Variants in KMT2C observed in about 807,000 individuals in gnomAD.
KMT2C encodes histone-lysine N-methyltransferase 2C.
In KMT2C, 88 loss-of-function variants were observed where a neutral mutation model predicts 507.9. The observed-to-expected ratio is 0.17, with a 90% CI of 0.15 to 0.21. The LOEUF is 0.21. KMT2C is among the 10% of genes least tolerant of loss of function. KMT2C has a pLI of 1.00. For missense variants in KMT2C, 4,954 were observed against 5,957.8 expected (o/e 0.83, Z 5.55); for synonymous variants, 2,049 against 2,080.8 (o/e 0.98, Z 0.42).
At chr7:152,172,035 C>T (rs541802418) in intron 39 of KMT2C, among the ~76,000 whole-genome samples, 49 of 152,282 alleles carry the variant, frequency 3.2e-4, no homozygotes, top group African/African-American at 1.0e-3. Flanking sequence ...AATGCTTTAA[C>T]GTATCAAGAT....
intron 6 of KMT2C, among the ~76,000 whole-genome samples, chr7:152,299,600 G>T (rs1489988908): frequency 1.3e-5 from 2 of 151,936 alleles, no homozygotes; most frequent in Non-Finnish European, 2.9e-5. Context: ...AGTAAGGTAT[G>T]ATCACACCAC....
rs1185513273 is a variant in KMT2C at position 152,135,084 on chromosome 7, A to T, written c.*1748T>A. The T allele has an allele frequency of 4.4e-6, 1 of 228,734 alleles. No homozygotes were observed. The allele number at this position is 228,734 out of a possible 1,614,324, so 14.2% of individuals were successfully genotyped here. A position where few individuals can be genotyped will look rare whatever the true frequency, so the allele number is the denominator to read the frequency against. On this transcript the variant is annotated 3_prime_UTR_variant, in exon 59 of 59. Coordinates refer to ENST00000262189, the MANE Select transcript of KMT2C (RefSeq NM_170606.3). ...AAAACAACAAAAACCCGGTAGGACA[A>T]ATACTGGTAGGATGTCAGGATATTG...
rs548963814 is a variant in KMT2C, at chr7:152,409,365, A to T, written c.161+26261T>A. Among the ~76,000 whole-genome samples, 25 of 152,160 alleles carry T rather than the reference A, an allele frequency of 1.6e-4. No individual in the cohort carries two copies. In the East Asian group the frequency reaches 4.4e-3, roughly 27 times the overall value. On this transcript the variant is annotated intron_variant, in intron 1 of 58. Coordinates refer to ENST00000262189, the MANE Select transcript of KMT2C (RefSeq NM_170606.3). ...GTAATAGTTATGAGCTTTTTAAAAAATTTCTTCTAATGTAATTAAATTCTG... is the reference window on the plus strand; with the variant it reads ...GTAATAGTTATGAGCTTTTTAAAAATTTTCTTCTAATGTAATTAAATTCTG...
Position 152,345,905 on chromosome 7 carries a change from G to A in KMT2C, c.250+12682C>T, listed in dbSNP as rs562217610. On this transcript the variant is annotated intron_variant, in intron 2 of 58. Transcript: ENST00000262189. ...TTAACTATAATATAAAGATACATAC[G>A]GATAAGAAATAAATGGATGGAGAAA... is the stretch of plus-strand genomic sequence containing the variant. Among the ~76,000 whole-genome samples, 111 of 152,084 alleles carry A rather than the reference G, an allele frequency of 7.3e-4. 1 individual carries two copies. In the South Asian group the frequency reaches 0.015, roughly 21 times the overall value.
chr7:152,257,490 A>C (rs2095679654), intron 9 of KMT2C, among the ~76,000 whole-genome samples: 1 of 152,194 alleles, frequency 6.6e-6, no homozygotes, highest in African/African-American at 2.4e-5. Context: ...TATTTAAAAA[A>C]TTAAATCACT....
intron 1 of KMT2C, among the ~76,000 whole-genome samples, chr7:152,418,350 A>G (rs2097758330): frequency 6.6e-6 from 1 of 152,244 alleles, no homozygotes; most frequent in African/African-American, 2.4e-5. Flanking sequence ...AGCATTACAC[A>G]TAGTAACAAA....
intron 6 of KMT2C, among the ~76,000 whole-genome samples, chr7:152,287,521 T>TA (rs897949931): frequency 2.6e-5 from 4 of 152,038 alleles, no homozygotes; most frequent in Non-Finnish European, 5.9e-5. Context: ...TAAATCCTAC[T>TA]AAAAGGGGGT....
intron 31 of KMT2C, among the ~76,000 whole-genome samples, chr7:152,189,786 C>G (rs181995736): frequency 2.0e-5 from 3 of 152,198 alleles, no homozygotes; most frequent in Non-Finnish European, 4.4e-5. Context: ...CTTACATTTA[C>G]TCCAAGGATT....
At position 152,177,726 on chromosome 7, in the gene KMT2C, G is replaced by A. The variant is rs2129115300; in HGVS notation, c.7727C>T (p.Ala2576Val). ...TGCCTCTACAACGCTGCCAGGTGGA[G>A]CACTGAAAGGCAGCCGTTGCCTTCC... ...PDGRQRLPFS[A>V]PPGSVVEASS... The change falls in exon 38 of 59, where the codon GCT (alanine) becomes GTT (valine). Residue 2576 changes from alanine (A) to valine (V), a missense_variant. Ala to Val is a moderately conservative substitution (Grantham distance 64, BLOSUM62 0). Around this residue, in one of 29 missense-constraint regions of KMT2C, gnomAD observed 1,689 missense variants for 1,654.3 expected, o/e 1.02. Transcript: ENST00000262189. The A allele has an allele frequency of 6.2e-7, 1 of 1,614,128 alleles. No homozygotes were observed. The highest frequency in any genetic ancestry group is 8.5e-7 in the Non-Finnish European group (1 of 1,180,018).
At chr7:152,367,607 G>C (rs1469621815) in intron 1 of KMT2C, 1 of 1,333,670 alleles carries the variant, frequency 7.5e-7, no homozygotes, top group Non-Finnish European at 1.1e-6. Flanking sequence ...CCTTCTCATA[G>C]AATTAAAAAG....
rs2097911990 is a variant in KMT2C, at chr7:152,435,760, C to T, written c.27G>A (p.Val9=). 2.0e-6 allele frequency: 3 copies of T among 1,510,570 alleles called. No individual in the cohort carries two copies. The highest frequency in any genetic ancestry group is 5.4e-5 in the East Asian group (2 of 36,912). 93.6% of individuals were successfully genotyped at this position (1,510,570 alleles called of 1,614,324 possible). A position where few individuals can be genotyped will look rare whatever the true frequency, so the allele number is the denominator to read the frequency against. MSSEEDKS[V]EQPQPPPPPP... is the part of the protein sequence containing the mutation. ...GTGGTGGCGGCGGCTGCGGCTGCTCCACGCTCTTGTCCTCCTCCGACGACA... is the reference window on the plus strand; with the variant it reads ...GTGGTGGCGGCGGCTGCGGCTGCTCTACGCTCTTGTCCTCCTCCGACGACA... The change falls in exon 1 of 59, where the codon GTG becomes GTA. Residue 9 remains valine, a synonymous_variant. Coordinates refer to ENST00000262189, the MANE Select transcript of KMT2C (RefSeq NM_170606.3).
At chr7:152,204,130 C>CAA (rs112235437) in intron 25 of KMT2C, among the ~76,000 whole-genome samples, 9 of 134,826 alleles carry the variant, frequency 6.7e-5, no homozygotes, top group Middle Eastern at 3.7e-3. Context: ...CCACCAATAG[C>CAA]AAAAAAAAAA....
intron 1 of KMT2C, among the ~76,000 whole-genome samples, chr7:152,414,118 G>A (rs538214707): frequency 6.6e-5 from 10 of 151,612 alleles, no homozygotes; most frequent in African/African-American, 1.9e-4. Flanking sequence ...ACTGAGGCAG[G>A]AGAATTGCTT....
At chr7:152,356,897 G>GAAT (rs55935930) in intron 2 of KMT2C, among the ~76,000 whole-genome samples, 32,744 of 138,030 alleles carry the variant, frequency 0.24, 3,947 homozygotes, top group East Asian at 0.34. Context: ...AACTCAAAAA[G>GAAT]AATAATAATA....
At chr7:152,285,614 C>T (rs557262433) in intron 6 of KMT2C, among the ~76,000 whole-genome samples, 62 of 152,292 alleles carry the variant, frequency 4.1e-4, no homozygotes, top group African/African-American at 1.5e-3. Flanking sequence ...CTGTAAATAA[C>T]CAAAAACTGG....
chr7:152,278,283 T>G (rs2096127314), intron 6 of KMT2C, among the ~76,000 whole-genome samples: 2 of 152,016 alleles, frequency 1.3e-5, no homozygotes, highest in Non-Finnish European at 2.9e-5. Context: ...TTTTTTTAAT[T>G]TATATTTATT....
At chr7:152,338,002 G>A (rs754645392) in intron 2 of KMT2C, among the ~76,000 whole-genome samples, 3 of 151,962 alleles carry the variant, frequency 2.0e-5, no homozygotes, top group Middle Eastern at 3.4e-3. Context: ...GACTACAGGC[G>A]CCCGGCACCA....
At chr7:152,239,606 C>CT (rs1310795331) in intron 14 of KMT2C, among the ~76,000 whole-genome samples, 2 of 152,210 alleles carry the variant, frequency 1.3e-5, no homozygotes, top group East Asian at 3.9e-4. Flanking sequence ...ATAACTAAAA[C>CT]TAAAGCATTT....
chr7:152,265,232 G>T (rs532766628), intron 7 of KMT2C, 23 bp from the exon 8 acceptor site: 3 of 1,611,226 alleles, frequency 1.9e-6, no homozygotes, highest in South Asian at 1.1e-5. Flanking sequence ...GTGAAACAAT[G>T]AAATTGTTGT....
Sources: gnomAD v4.1 joint callset for allele counts (sites outside exome capture counted in the v4.1 genomes callset) on GRCh38, gnomAD v4.1.1 for gene constraint, gnomAD v4.1.1 regional missense constraint, MANE v1.5 for transcripts, NCBI Gene and HGNC (gene_info 2026-07-23, HGNC 2026-07-21) for gene names.